CTNNA3: variants seen among roughly 807,000 people sequenced by gnomAD.
CTNNA3 encodes the protein catenin alpha-3.
CTNNA3 carries 76 observed loss-of-function variants against 95.7 expected under a neutral mutation model. That is an observed-to-expected ratio of 0.79 (90% CI 0.66 to 0.96). The LOEUF is 0.96. Among genes scored for constraint, CTNNA3 ranks in the 40% least tolerant of loss-of-function variants. CTNNA3 has a pLI of 0.00. For synonymous variants in CTNNA3, 431 were observed against 374.4 expected, an observed-to-expected ratio of 1.15 and a Z score of -1.74; for missense variants, 1,191 against 1,089.8, an observed-to-expected ratio of 1.09 and a Z score of -1.31.
At chr10:66,771,084 A>C (rs1840068631) in intron 8 of CTNNA3, among the ~76,000 whole-genome samples, 1 of 152,098 alleles carries the variant, frequency 6.6e-6, no homozygotes, top group African/African-American at 2.4e-5. Flanking sequence ...CTGAGTGGTG[A>C]ACTGGTACTA....
chr10:67,172,998 C>T (rs921982658), intron 7 of CTNNA3, among the ~76,000 whole-genome samples: 1 of 151,616 alleles, frequency 6.6e-6, no homozygotes, highest in East Asian at 1.9e-4. Context: ...AAAAATGTAT[C>T]CCGGTTTGGA....
intron 12 of CTNNA3, among the ~76,000 whole-genome samples, chr10:66,374,604 G>GT (rs2092779671): frequency 7.7e-6 from 1 of 129,090 alleles, no homozygotes; most frequent in African/African-American, 2.9e-5. Context: ...TGAAAGAAAA[G>GT]CCTTTTTTTT....
intron 7 of CTNNA3, among the ~76,000 whole-genome samples, chr10:67,057,725 C>T (rs1335689780): frequency 6.6e-6 from 1 of 152,138 alleles, no homozygotes; most frequent in Non-Finnish European, 1.5e-5. Context: ...CATTTTACCA[C>T]CACCACCACG....
At chr10:66,926,065 T>C (rs1166640934) in intron 7 of CTNNA3, 1 of 457,290 alleles carries the variant, frequency 2.2e-6, no homozygotes, top group Admixed American at 2.3e-5. Context: ...AGAATGACAG[T>C]CTGCAGAAGT....
At chr10:67,042,773 G>A (rs1028815579) in intron 7 of CTNNA3, among the ~76,000 whole-genome samples, 3 of 152,086 alleles carry the variant, frequency 2.0e-5, no homozygotes, top group Non-Finnish European at 4.4e-5. Flanking sequence ...GCTGGATTCA[G>A]AACAAAGAAG....
intron 8 of CTNNA3, among the ~76,000 whole-genome samples, chr10:66,770,235 T>C (rs955361863): frequency 6.6e-6 from 1 of 152,216 alleles, no homozygotes; most frequent in Non-Finnish European, 1.5e-5. Context: ...GACATATTCA[T>C]ATGGAATTGT....
chr10:66,463,564 GAA>G (rs376910250), intron 11 of CTNNA3, among the ~76,000 whole-genome samples: 15 of 152,198 alleles, frequency 9.9e-5, no homozygotes, highest in African/African-American at 3.6e-4. Flanking sequence ...GTTGTCAGTA[GAA>G]TAACATGCAG....
chr10:67,169,743 C>T (rs1383130096), intron 7 of CTNNA3, among the ~76,000 whole-genome samples: 2 of 152,070 alleles, frequency 1.3e-5, no homozygotes, highest in African/African-American at 2.4e-5. Context: ...GACAAAGACA[C>T]CAAAAGCAAT....
At chr10:66,738,608 T>C (rs1014886625) in intron 9 of CTNNA3, among the ~76,000 whole-genome samples, 1 of 152,176 alleles carries the variant, frequency 6.6e-6, no homozygotes, top group African/African-American at 2.4e-5. Flanking sequence ...GTAGAAAGAG[T>C]TTGGTCTTCA....
chr10:67,074,818 T>G (rs758801034), intron 7 of CTNNA3, among the ~76,000 whole-genome samples: 15 of 151,916 alleles, frequency 9.9e-5, no homozygotes, highest in African/African-American at 2.9e-4. Context: ...CATAATTTAT[T>G]TATGTATGTA....
intron 1 of CTNNA3, among the ~76,000 whole-genome samples, chr10:67,744,273 C>T (rs1463332357): frequency 6.6e-6 from 1 of 151,172 alleles, no homozygotes; most frequent in Non-Finnish European, 1.5e-5. Context: ...CTACGGTAAC[C>T]AAAACAGCAT....
chr10:66,430,650 G>A (rs953660975), intron 11 of CTNNA3, among the ~76,000 whole-genome samples: 4 of 152,108 alleles, frequency 2.6e-5, no homozygotes, highest in Non-Finnish European at 4.4e-5. Flanking sequence ...CAAGAAATGA[G>A]GAAAGGATTC....
At chr10:66,525,709 T>C (rs1179965609) in intron 10 of CTNNA3, among the ~76,000 whole-genome samples, 1 of 152,132 alleles carries the variant, frequency 6.6e-6, no homozygotes, top group Non-Finnish European at 1.5e-5. Flanking sequence ...TAAAACTCAG[T>C]GGCATTAAGT....
At chr10:67,716,164 A>G (rs1017082454) in intron 1 of CTNNA3, among the ~76,000 whole-genome samples, 3 of 152,216 alleles carry the variant, frequency 2.0e-5, no homozygotes, top group Admixed American at 6.5e-5. Flanking sequence ...TATCATGTGT[A>G]AACCAAGAAT....
At chr10:66,162,323 G>T (rs770022661) in intron 13 of CTNNA3, among the ~76,000 whole-genome samples, 1 of 151,992 alleles carries the variant, frequency 6.6e-6, no homozygotes, top group Non-Finnish European at 1.5e-5. Flanking sequence ...GGTCTTTTTC[G>T]TCTGGGTAGG....
intron 7 of CTNNA3, among the ~76,000 whole-genome samples, chr10:67,066,479 C>T (rs953855478): frequency 6.6e-6 from 1 of 151,166 alleles, no homozygotes; most frequent in East Asian, 1.9e-4. Context: ...GTGTGAACCA[C>T]CGCACCTGGC....
chr10:67,122,814 G>A (rs1453329142), intron 7 of CTNNA3, among the ~76,000 whole-genome samples: 1 of 152,070 alleles, frequency 6.6e-6, no homozygotes, highest in Non-Finnish European at 1.5e-5. Flanking sequence ...AGTTACAGGA[G>A]CATCGGTCTG....
chr10:67,453,229 C>T (rs878951528), intron 5 of CTNNA3, among the ~76,000 whole-genome samples: 2 of 152,092 alleles, frequency 1.3e-5, no homozygotes, highest in Admixed American at 1.3e-4. Flanking sequence ...ATATGAAAGA[C>T]ATGAAAATCC....
chr10:66,834,438 C>A (rs201420038), intron 7 of CTNNA3, among the ~76,000 whole-genome samples: 1 of 152,148 alleles, frequency 6.6e-6, no homozygotes, highest in East Asian at 1.9e-4. Context: ...GTGATCCTCA[C>A]AATAGTTATA....
Sources: gnomAD v4.1 joint callset for allele counts (sites outside exome capture counted in the v4.1 genomes callset) on GRCh38, gnomAD v4.1.1 for gene constraint, MANE v1.5 for transcripts, NCBI Gene and HGNC (gene_info 2026-07-23, HGNC 2026-07-21) for gene names.